Variants in SLC2A12 observed in about 807,000 individuals in gnomAD.
SLC2A12 encodes solute carrier family 2, facilitated glucose transporter member 12.
In SLC2A12, 23 loss-of-function variants were observed where a neutral mutation model predicts 41.8. The ratio of observed to expected loss-of-function variants is 0.55; its 90% CI spans 0.40 to 0.78. The LOEUF (loss-of-function observed/expected upper bound fraction) is 0.78. Ranked by LOEUF, SLC2A12 falls within the 30% of genes least tolerant of loss-of-function variation. The pLI, the probability that SLC2A12 is intolerant of heterozygous loss-of-function variation, is 0.00. For missense variants in SLC2A12, 654 were observed against 745.6 expected (o/e 0.88, Z 1.43); for synonymous variants, 295 against 285.9 (o/e 1.03, Z -0.32).
chr6:134,042,514 G>T (rs898126466), intron 1 of SLC2A12, among the ~76,000 whole-genome samples: 5 of 148,710 alleles, frequency 3.4e-5, no homozygotes, highest in African/African-American at 1.3e-4. Flanking sequence ...GAAAGAGAAA[G>T]AGAGAATGAA....
rs763392311 is a variant in SLC2A12 at position 134,052,486 on chromosome 6, C to T, written c.-6G>A. 1.9e-6 allele frequency: 3 copies of T among 1,611,780 alleles called. No homozygotes were observed. The African/African-American group carries it at 4.0e-5, about 22-fold the overall frequency. ...GTGTTTTCAACAGGTACCATGGTCA[C>T]GTAGAAGTTACAGCCGCTTCCCCGC... is the stretch of plus-strand genomic sequence containing the variant. On this transcript the variant is annotated 5_prime_UTR_variant, in exon 1 of 5. In the 5' UTR this introduces an upstream ATG that the reference lacks. Coordinates refer to ENST00000275230, the MANE Select transcript of SLC2A12 (RefSeq NM_145176.3).
chr6:134,036,088 A>G (rs1777294440), intron 1 of SLC2A12, among the ~76,000 whole-genome samples: 2 of 152,194 alleles, frequency 1.3e-5, no homozygotes, highest in South Asian at 4.1e-4. Flanking sequence ...TTGCATATGG[A>G]CATAATGGGC....
At chr6:134,030,872 G>C (rs908717421) in intron 1 of SLC2A12, among the ~76,000 whole-genome samples, 1 of 152,192 alleles carries the variant, frequency 6.6e-6, no homozygotes, top group Non-Finnish European at 1.5e-5. Flanking sequence ...CACCCACTGA[G>C]AGGTGTAGAG....
chr6:134,006,692 C>T (rs2114433411), intron 3 of SLC2A12, 120 bp downstream of exon 3: 6 of 1,299,034 alleles, frequency 4.6e-6, no homozygotes, highest in South Asian at 4.5e-5. Flanking sequence ...GGGTCATGGC[C>T]GTTCTCCTTC....
chr6:133,992,149 T>C (rs2114411647), intron 4 of SLC2A12, among the ~76,000 whole-genome samples: 1 of 152,208 alleles, frequency 6.6e-6, no homozygotes, highest in East Asian at 1.9e-4. Context: ...GAGGAAGGTA[T>C]TTTTTCAGGA....
At chr6:134,051,594 G>C (rs1773685214) in intron 1 of SLC2A12, among the ~76,000 whole-genome samples, 1 of 152,156 alleles carries the variant, frequency 6.6e-6, no homozygotes, top group African/African-American at 2.4e-5. Context: ...TAAATGAGCA[G>C]GAAGAGGCAG....
intron 2 of SLC2A12, among the ~76,000 whole-genome samples, chr6:134,017,096 TA>T (rs1776972453): frequency 6.6e-6 from 1 of 152,210 alleles, no homozygotes; most frequent in African/African-American, 2.4e-5. Context: ...CTGGGTCTCA[TA>T]TTTGGAGAAA....
rs114371700 is a variant in SLC2A12, at chr6:134,045,748, C to T, written c.103+6630G>A. ...GTAGAACCACTTGGCCCACAAGAAT[C>T]ATTTAACAAAAGCTCCTTTAATCTG... On this transcript the variant is annotated intron_variant, in intron 1 of 4. Transcript: ENST00000275230. Among the ~76,000 whole-genome samples the T allele has an allele frequency of 7.2e-3, 1,091 of 152,290 alleles. 6 individuals are homozygous for T. Among genetic ancestry groups the T allele is most frequent in the African/African-American group, 0.025 (1,036 of 41,554 alleles).
chr6:134,013,917 CTTTCT>C (rs1215579310), intron 2 of SLC2A12, among the ~76,000 whole-genome samples: 1 of 152,108 alleles, frequency 6.6e-6, no homozygotes, highest in Non-Finnish European at 1.5e-5. Context: ...AACAAGTGTG[CTTTCT>C]TTTAAGTGGG....
chr6:133,990,876 A>G lies in SLC2A12; in HGVS notation c.*279T>C. 3.4e-6 allele frequency: 1 copy of G among 293,754 alleles called. No individual in the cohort carries two copies. Among genetic ancestry groups the G allele is most frequent in the East Asian group, 5.9e-5 (1 of 16,902 alleles). The allele number at this position is 293,754 out of a possible 1,614,324, so 18.2% of individuals were successfully genotyped here. A position where few individuals can be genotyped will look rare whatever the true frequency, so the allele number is the denominator to read the frequency against. On this transcript the variant is annotated 3_prime_UTR_variant, in exon 5 of 5. Coordinates refer to ENST00000275230, the MANE Select transcript of SLC2A12 (RefSeq NM_145176.3). ...AGTCTATTCAAAGGCTGCTCTGTGA[A>G]GAAGGTAGAAAGTATTAAACCAGCC...
intron 1 of SLC2A12, among the ~76,000 whole-genome samples, chr6:134,035,151 C>CAAAAAAAAAAAAAAAAAA (rs71003662): frequency 1.9e-5 from 2 of 107,910 alleles, no homozygotes; most frequent in Non-Finnish European, 3.9e-5. Flanking sequence ...GGCTGCCTGA[C>CAAAAAAAAAAAAAAAAAA]AAAAAAAAAA....
chr6:134,032,266 C>T (rs1234148096), intron 1 of SLC2A12, among the ~76,000 whole-genome samples: 2 of 151,194 alleles, frequency 1.3e-5, no homozygotes. Flanking sequence ...TGCAATAATC[C>T]ACAAGAAATA....
chr6:134,051,799 T>C (rs1773687633), intron 1 of SLC2A12, among the ~76,000 whole-genome samples: 1 of 152,230 alleles, frequency 6.6e-6, no homozygotes, highest in African/African-American at 2.4e-5. Context: ...TTTCAGGCTC[T>C]GAATAACGCT....
intron 1 of SLC2A12, among the ~76,000 whole-genome samples, chr6:134,048,032 T>C (rs1251354142): frequency 2.0e-5 from 3 of 152,212 alleles, no homozygotes; most frequent in Admixed American, 6.5e-5. Flanking sequence ...CCGCGTACGA[T>C]GCATAGCACC....
At position 134,030,754 on chromosome 6, in the gene SLC2A12, G is replaced by C. The variant is rs544146734; in HGVS notation, c.104-1033C>G. ...CATTGTGAGCCTGGAGCGGTAGGAC[G>C]GAAAGGGCTTAAAATGAATTTGGAT... is the stretch of plus-strand genomic sequence containing the variant. On this transcript the variant is annotated intron_variant, in intron 1 of 4. Transcript: ENST00000275230. Among the ~76,000 whole-genome samples the C allele has an allele frequency of 5.9e-5, 9 of 152,304 alleles. No individual in the cohort carries two copies. The South Asian group carries it at 8.3e-4, about 14-fold the overall frequency.
intron 2 of SLC2A12, among the ~76,000 whole-genome samples, chr6:134,021,484 A>G (rs1308643511): frequency 2.0e-5 from 3 of 152,210 alleles, no homozygotes; most frequent in Non-Finnish European, 2.9e-5. Context: ...CCCTATTGCT[A>G]AGGACTAAGA....
intron 2 of SLC2A12, among the ~76,000 whole-genome samples, chr6:134,014,840 T>C (rs904617827): frequency 2.6e-5 from 4 of 152,228 alleles, no homozygotes; most frequent in East Asian, 1.9e-4. Flanking sequence ...GATGGTGTCA[T>C]TTTGCTGTAC....
At chr6:133,993,756 G>A (rs957733145) in intron 4 of SLC2A12, among the ~76,000 whole-genome samples, 1 of 152,210 alleles carries the variant, frequency 6.6e-6, no homozygotes, top group African/African-American at 2.4e-5. Context: ...AGCAAGACAG[G>A]TGGATATCTA....
chr6:134,028,655 C>T lies in SLC2A12; in HGVS notation c.1170G>A (p.Val390=). The T allele has an allele frequency of 6.2e-7, 1 of 1,614,176 alleles. No homozygotes were observed. The highest frequency in any genetic ancestry group is 1.3e-5 in the African/African-American group (1 of 75,052). Residue 390 remains valine (V), a synonymous_variant, in exon 2 of 5, where the codon GTG becomes GTA. Transcript: ENST00000275230. ...TTGACAGGTTTCCTGGTCCATAAATCACAGACTCATCCAAGGACTGGTTGA... is the reference window on the plus strand; with the variant it reads ...TTGACAGGTTTCCTGGTCCATAAATTACAGACTCATCCAAGGACTGGTTGA... ...NSINQSLDES[V]IYGPGNLSTN...
Sources: gnomAD v4.1 joint callset for allele counts (sites outside exome capture counted in the v4.1 genomes callset) on GRCh38, gnomAD v4.1.1 for gene constraint, MANE v1.5 for transcripts, NCBI Gene and HGNC (gene_info 2026-07-23, HGNC 2026-07-21) for gene names.